IL1RAPL2: variants seen among roughly 807,000 people sequenced by gnomAD.
IL1RAPL2 encodes the protein interleukin 1 receptor accessory protein like 2, also known as X-linked interleukin-1 receptor accessory protein-like 2.
In IL1RAPL2, 3 loss-of-function variants were observed where a neutral mutation model predicts 44.1. The ratio of observed to expected loss-of-function variants is 0.07; its 90% confidence interval spans 0.03 to 0.18. The LOEUF (loss-of-function observed/expected upper bound fraction) is 0.18, where lower values mean the gene tolerates loss of function less well. Among genes scored for constraint, IL1RAPL2 ranks in the 10% least tolerant of loss-of-function variants. The pLI is 1.00. For missense variants in IL1RAPL2, 391 were observed against 496.4 expected (o/e 0.79, Z 2.02); for synonymous variants, 181 against 178.8 (o/e 1.01, Z -0.10).
At chrX:105,324,607 A>G (rs1056214076) in intron 5 of IL1RAPL2, among the ~76,000 whole-genome samples, 4 of 111,105 alleles carry the variant, frequency 3.6e-5, no homozygotes, top group Non-Finnish European at 7.5e-5. Context: ...TTATATTGTA[A>G]TTTCTGTTTA....
At chrX:105,264,055 G>T (rs1397048082) in intron 4 of IL1RAPL2, among the ~76,000 whole-genome samples, 1 of 111,154 alleles carries the variant, frequency 9.0e-6, no homozygotes, top group African/African-American at 3.3e-5. Context: ...TTCTTTGGCT[G>T]TGTCTGTACT....
At chrX:104,582,535 T>TTTCC (rs1156863575) in intron 1 of IL1RAPL2, among the ~76,000 whole-genome samples, 1 of 108,572 alleles carries the variant, frequency 9.2e-6, no homozygotes, top group Non-Finnish European at 1.9e-5. Flanking sequence ...TCTTTCCTTC[T>TTTCC]TTCCTTCCTT....
rs1471238299 is a variant in IL1RAPL2, at chrX:104,904,792, A to C, written c.82+245797A>C. Reference sequence around the variant, plus strand: ...GTGCATGTGTCTTTATAGCAGCATGATTTATAGTCCTTTGGGTATATACCC... The same window carrying C: ...GTGCATGTGTCTTTATAGCAGCATGCTTTATAGTCCTTTGGGTATATACCC... On this transcript the variant is annotated intron_variant, in intron 2 of 10. Transcript: ENST00000372582. 3.7e-3 allele frequency among the ~76,000 whole-genome samples: 407 copies of C among 108,822 alleles called. 1 individual carries two copies. Among genetic ancestry groups the C allele is most frequent in the Non-Finnish European group, 6.0e-3 (313 of 52,563 alleles). 94.5% of individuals were successfully genotyped at this position (108,822 alleles called of 115,157 possible).
chrX:104,685,330 T>C (rs1930966543), intron 2 of IL1RAPL2, among the ~76,000 whole-genome samples: 1 of 112,154 alleles, frequency 8.9e-6, no homozygotes, highest in Admixed American at 9.5e-5. Flanking sequence ...TGTTCTCTTC[T>C]TGCTGTAAGA....
At chrX:105,228,082 T>C (rs2034034626) in intron 3 of IL1RAPL2, among the ~76,000 whole-genome samples, 1 of 112,217 alleles carries the variant, frequency 8.9e-6, no homozygotes, top group African/African-American at 3.2e-5. Context: ...CTAGTTCTTA[T>C]GTTTTAACGT....
At chrX:104,868,792 T>C (rs1343481245) in intron 2 of IL1RAPL2, among the ~76,000 whole-genome samples, 1 of 112,073 alleles carries the variant, frequency 8.9e-6, no homozygotes, top group African/African-American at 3.2e-5. Context: ...AAGTCAACCT[T>C]GCACAGCTCT....
intron 2 of IL1RAPL2, among the ~76,000 whole-genome samples, chrX:105,075,203 T>G (rs1481371252): frequency 3.6e-5 from 4 of 111,626 alleles, no homozygotes; most frequent in Non-Finnish European, 7.5e-5. Context: ...CTTATTATTT[T>G]GAGATATGTT....
At chrX:105,098,145 G>A (rs1186527374) in intron 2 of IL1RAPL2, among the ~76,000 whole-genome samples, 1 of 112,311 alleles carries the variant, frequency 8.9e-6, no homozygotes, top group Non-Finnish European at 1.9e-5. Flanking sequence ...GGATCCCTGA[G>A]AGGTGAAATG....
Position 105,473,503 on chromosome X carries a change from G to A in IL1RAPL2, c.698-10810G>A, listed in dbSNP as rs1013237316. On this transcript the variant is annotated intron_variant, in intron 5 of 10. Transcript: ENST00000372582. ...TACCAAACAAATATTCTGTGAATTAGAAAATTATCCCTGTCATGAAACTTT... is the reference window on the plus strand; with the variant it reads ...TACCAAACAAATATTCTGTGAATTAAAAAATTATCCCTGTCATGAAACTTT... Among the ~76,000 whole-genome samples, 5 of 112,093 alleles carry A rather than the reference G, an allele frequency of 4.5e-5. No individual in the cohort carries two copies. The East Asian group carries it at 1.4e-3, about 31-fold the overall frequency.
intron 6 of IL1RAPL2, among the ~76,000 whole-genome samples, chrX:105,600,669 TATTTG>T (rs1187137205): frequency 1.1e-5 from 1 of 89,708 alleles, no homozygotes; most frequent in African/African-American, 4.0e-5. Flanking sequence ...TGATTAATAA[TATTTG>T]ATAATAGAAT....
chrX:105,583,461 A>G (rs1332928686), intron 6 of IL1RAPL2, among the ~76,000 whole-genome samples: 2 of 111,893 alleles, frequency 1.8e-5, no homozygotes, highest in African/African-American at 3.2e-5. Context: ...AATTGATGCA[A>G]GGATACTCAG....
At chrX:105,486,902 T>C (rs906785782) in intron 6 of IL1RAPL2, among the ~76,000 whole-genome samples, 5 of 108,401 alleles carry the variant, frequency 4.6e-5, no homozygotes, top group Non-Finnish European at 9.6e-5. Context: ...ACCATCCTGA[T>C]TAACACGGTG....
intron 2 of IL1RAPL2, among the ~76,000 whole-genome samples, chrX:104,685,641 G>A (rs367947159): frequency 3.6e-5 from 4 of 111,275 alleles, no homozygotes; most frequent in African/African-American, 1.3e-4. Context: ...AAGGGGGAAG[G>A]GAAAGCATTA....
intron 5 of IL1RAPL2, among the ~76,000 whole-genome samples, chrX:105,286,362 A>G (rs754597921): frequency 9.1e-6 from 1 of 109,992 alleles, no homozygotes; most frequent in South Asian, 3.9e-4. Context: ...AGTAGATGAT[A>G]GCTATTTCCA....
chrX:104,949,572 CT>C (rs1395238404), intron 2 of IL1RAPL2, among the ~76,000 whole-genome samples: 1 of 106,318 alleles, frequency 9.4e-6, no homozygotes, highest in African/African-American at 3.4e-5. Flanking sequence ...ATAAATTTCC[CT>C]CTACACACTG....
intron 6 of IL1RAPL2, among the ~76,000 whole-genome samples, chrX:105,488,134 C>A (rs1372643753): frequency 8.9e-6 from 1 of 111,912 alleles, no homozygotes; most frequent in Non-Finnish European, 1.9e-5. Context: ...TTTGGCTACT[C>A]CTAATATCTA....
Position 104,881,278 on chromosome X carries a change from G to A in IL1RAPL2, c.82+222283G>A, listed in dbSNP as rs1168110041. Among the ~76,000 whole-genome samples, 11 of 111,092 alleles carry A rather than the reference G, an allele frequency of 9.9e-5. No individual in the cohort carries two copies. In the Admixed American group the frequency reaches 1.1e-3, roughly 11 times the overall value. On this transcript the variant is annotated intron_variant, in intron 2 of 10. Transcript: ENST00000372582. ...ATTACGTTCTTTGCTAGTGAACATG[G>A]GAGTCTTCATTTCCCTTCTTACAAA...
At chrX:105,448,322 C>G (rs1248453477) in intron 5 of IL1RAPL2, among the ~76,000 whole-genome samples, 6 of 108,820 alleles carry the variant, frequency 5.5e-5, no homozygotes, top group Non-Finnish European at 1.1e-4. Context: ...TTTGAATAAA[C>G]TTTCTCTCCA....
chrX:105,509,190 A>G (rs750944321), intron 6 of IL1RAPL2, among the ~76,000 whole-genome samples: 5 of 112,147 alleles, frequency 4.5e-5, no homozygotes, highest in Admixed American at 9.5e-5. Flanking sequence ...ATAAAGTTCT[A>G]TGAAGAAAAA....
Sources: gnomAD v4.1 joint callset for allele counts (sites outside exome capture counted in the v4.1 genomes callset) on GRCh38, gnomAD v4.1.1 for gene constraint, MANE v1.5 for transcripts, NCBI Gene and HGNC (gene_info 2026-07-23, HGNC 2026-07-21) for gene names.